The following PIGR variants were observed in gnomAD, a reference collection of about 807,000 sequenced individuals.
PIGR encodes the protein polymeric immunoglobulin receptor, also known as hepatocellular carcinoma associated protein TB6.
PIGR carries 22 observed loss-of-function variants against 69.5 expected under a neutral mutation model. The ratio of observed to expected loss-of-function variants is 0.32; its 90% CI spans 0.23 to 0.45. PIGR has a LOEUF of 0.45. PIGR is among the 20% of genes least tolerant of loss of function. PIGR has a pLI of 1.00. For synonymous variants in PIGR, 413 were observed against 407.6 expected (o/e 1.01, Z -0.16); for missense variants, 885 against 974.0 (o/e 0.91, Z 1.22).
chr1:206,930,850 C>A lies in PIGR; in HGVS notation c.2200-437G>T, dbSNP rs1252095104. On this transcript the variant is annotated intron_variant, in intron 10 of 10. Coordinates refer to ENST00000356495, the MANE Select transcript of PIGR (RefSeq NM_002644.4). This position sits in a 1 kb window ranked among gnomAD's most constrained non-coding sequence, Gnocchi z 4.3. ...TAACTCGTTCTAACTTTGCTAAATG[C>A]CAGAGATGTTTCAAGAAAAAGTAGA... 2.0e-6 allele frequency: 2 copies of A among 985,234 alleles called. No homozygotes were observed. The highest frequency in any genetic ancestry group is 1.7e-5 in the African/African-American group (1 of 57,196). 61.0% of individuals were successfully genotyped at this position (985,234 alleles called of 1,614,324 possible).
chr1:206,930,824 A>G lies in PIGR; in HGVS notation c.2200-411T>C, dbSNP rs1679724548. The G allele has an allele frequency of 3.0e-6, 3 of 985,444 alleles. No individual in the cohort carries two copies. Among genetic ancestry groups the G allele is most frequent in the Non-Finnish European group, 3.6e-6 (3 of 829,932 alleles). The allele number at this position is 985,444 out of a possible 1,614,324, so 61.0% of individuals were successfully genotyped here. A position where few individuals can be genotyped will look rare whatever the true frequency, so the allele number is the denominator to read the frequency against. ...GTTAAAGGGGAAGGCTGTCCCAGGA[A>G]TAACTCGTTCTAACTTTGCTAAATG... On this transcript the variant is annotated intron_variant, in intron 10 of 10. Transcript: ENST00000356495. The surrounding 1 kb of genome is among the most constrained non-coding windows in gnomAD (Gnocchi z 4.3).
intron 1 of PIGR, among the ~76,000 whole-genome samples, chr1:206,941,846 C>T (rs997348726): frequency 6.6e-6 from 1 of 152,192 alleles, no homozygotes; most frequent in African/African-American, 2.4e-5. Flanking sequence ...AGACTTTAAA[C>T]TTTGGAGTTG....
In PIGR at chr1:206,937,429, C is replaced by T; in HGVS notation, c.711G>A (p.Val237=). The change falls in exon 4 of 11, where the codon GTG becomes GTA. Residue 237 remains valine, a synonymous_variant. Transcript: ENST00000356495. ...NSNKKNADLQ[V]LKPEPELVYE... Reference sequence around the variant, plus strand: ...AAACCAGCTCGGGCTCGGGCTTTAGCACTTGGAGGTCAGCATTCTTCTTAT... The same window carrying T: ...AAACCAGCTCGGGCTCGGGCTTTAGTACTTGGAGGTCAGCATTCTTCTTAT... The T allele has an allele frequency of 1.2e-6, 2 of 1,614,154 alleles. No homozygotes were observed. Among genetic ancestry groups the T allele is most frequent in the South Asian group, 2.2e-5 (2 of 91,086 alleles).
In PIGR at chr1:206,931,495, A is replaced by C. The variant is rs1679748188; in HGVS notation, c.2199+2T>G. The stretch of plus-strand genomic sequence containing the variant: ...TAGTGGGGCTTCCTTCTTCCTCCTC[A>C]CCCTTTTTGCCTTCTTGGGTTCTTT... On this transcript the variant is annotated splice_donor_variant, in intron 10 of 10. Transcript: ENST00000356495. LOFTEE classifies it high-confidence loss of function. 6.2e-7 allele frequency: 1 copy of C among 1,601,570 alleles called. No homozygotes were observed. The highest frequency in any genetic ancestry group is 1.4e-5 in the African/African-American group (1 of 70,946).
In PIGR at chr1:206,937,416, G is replaced by T. The variant is rs958012597; in HGVS notation, c.724C>A (p.Pro242Thr). 3 of 1,613,988 alleles carry T rather than the reference G, an allele frequency of 1.9e-6. No homozygotes were observed. Among genetic ancestry groups the T allele is most frequent in the Non-Finnish European group, 2.5e-6 (3 of 1,179,994 alleles). Residue 242 changes from proline to threonine, a missense_variant, in exon 4 of 11, where the codon CCC becomes ACC. Transcript: ENST00000356495. ...CTCAGGTCTTCATAAACCAGCTCGG[G>T]CTCGGGCTTTAGCACTTGGAGGTCA... ...NADLQVLKPE[P>T]ELVYEDLRGS...
rs1378200479 is a variant in PIGR, at chr1:206,937,046, C to T, written c.1045+49G>A. 3 of 1,499,922 alleles carry T rather than the reference C, an allele frequency of 2.0e-6. No individual in the cohort carries two copies. The South Asian group carries it at 4.0e-5, about 20-fold the overall frequency. 92.9% of individuals were successfully genotyped at this position (1,499,922 alleles called of 1,614,324 possible). ...CTCAGAGGGAGCTGAGCTTGGCTCT[C>T]ACCTGCGAGACTGCCCCACCTACTC... On this transcript the variant is annotated intron_variant, in intron 4 of 10. Coordinates refer to ENST00000356495, the MANE Select transcript of PIGR (RefSeq NM_002644.4).
Position 206,937,566 on chromosome 1 carries a change from G to T in PIGR, c.574C>A (p.Arg192Ser), listed in dbSNP as rs773272615. ...YVNPNYTGRI[R>S]LDIQGTGQLL... ...TGGCCAGTACCCTGAATATCAAGGC[G>T]TATTCTTCCTGTATAGTTGGGATTT... Residue 192 changes from arginine (R) to serine (S), a missense_variant, in exon 4 of 11, where the codon CGC (arginine) becomes AGC (serine). Arg to Ser is a moderately radical substitution (Grantham distance 110). Coordinates refer to ENST00000356495, the MANE Select transcript of PIGR (RefSeq NM_002644.4). 1.2e-6 allele frequency: 2 copies of T among 1,614,112 alleles called. No individual in the cohort carries two copies. Among genetic ancestry groups the T allele is most frequent in the East Asian group, 2.2e-5 (1 of 44,886 alleles).
chr1:206,931,382 T>C (rs1572641214), intron 10 of PIGR, 115 bp downstream of exon 10: 1 of 1,604,528 alleles, frequency 6.2e-7, no homozygotes, highest in East Asian at 2.2e-5. Flanking sequence ...ATTTATATCA[T>C]CCTCCCTATT....
At chr1:206,946,226 C>T (rs1023260596) in intron 1 of PIGR, 110 bp downstream of exon 1, 2 of 152,578 alleles carry the variant, frequency 1.3e-5, no homozygotes, top group African/African-American at 2.4e-5. Context: ...CCTTGTCACC[C>T]CACTATCTAG....
Position 206,935,836 on chromosome 1 carries a change from G to T in PIGR, c.1046-18C>A. 6.4e-7 allele frequency: 1 copy of T among 1,565,498 alleles called. No individual in the cohort carries two copies. Among genetic ancestry groups the T allele is most frequent in the Non-Finnish European group, 8.7e-7 (1 of 1,149,300 alleles). On this transcript the variant is annotated intron_variant, in intron 4 of 10. Coordinates refer to ENST00000356495, the MANE Select transcript of PIGR (RefSeq NM_002644.4). The surrounding 1 kb of genome is among the most constrained non-coding windows in gnomAD (Gnocchi z 4.4). ...CGTGGACTCTGGAAGCACAGACAGA[G>T]ATGGGATGGGAGGATGGCCACGCAG...
In PIGR at chr1:206,930,595, A is replaced by G; in HGVS notation, c.2200-182T>C. 1 of 985,364 alleles carries G rather than the reference A, an allele frequency of 1.0e-6. No individual in the cohort carries two copies. Among genetic ancestry groups the G allele is most frequent in the Non-Finnish European group, 1.2e-6 (1 of 829,922 alleles). 61.0% of individuals were successfully genotyped at this position (985,364 alleles called of 1,614,324 possible). A position where few individuals can be genotyped will look rare whatever the true frequency, so the allele number is the denominator to read the frequency against. On this transcript the variant is annotated intron_variant, in intron 10 of 10. Transcript: ENST00000356495. This position sits in a 1 kb window ranked among gnomAD's most constrained non-coding sequence, Gnocchi z 4.3. Reference sequence around the variant, plus strand: ...AAGAAGGACGCATTTTGAGAAATGGAAAGTTGCAGCCTCTAAAAATATCTT... The same window carrying G: ...AAGAAGGACGCATTTTGAGAAATGGGAAGTTGCAGCCTCTAAAAATATCTT...
intron 2 of PIGR, among the ~76,000 whole-genome samples, chr1:206,940,125 CT>C (rs1679953489): frequency 6.6e-6 from 1 of 152,158 alleles, no homozygotes; most frequent in Non-Finnish European, 1.5e-5. Context: ...AGATGATTTT[CT>C]TTTCTTTTTT....
Position 206,938,678 on chromosome 1 carries a change from TA to T in PIGR, c.388+440del, listed in dbSNP as rs374526382. Among the ~76,000 whole-genome samples, 435 of 149,460 alleles carry T rather than the reference TA, an allele frequency of 2.9e-3. 4 individuals are homozygous for T. The highest frequency in any genetic ancestry group is 4.5e-3 in the Non-Finnish European group (303 of 67,028). ...ACCAAAAGACTAAGGGTTCCCAGGT[TA>T]AAAAAAAAATATGCATTTTACAAGA... On this transcript the variant is annotated intron_variant, in intron 3 of 10. Transcript: ENST00000356495.
rs529808142 is a variant in PIGR, at chr1:206,934,514, A to G, written c.1611T>C (p.Ala537=). The stretch of plus-strand genomic sequence containing the variant: ...CTCCACACCAGTACCAGCCCTCATC[A>G]GCCCTGGTCACCAGGTTCAGGGTCA... ...VSLTLNLVTR[A]DEGWYWCGVK... The change falls in exon 6 of 11, where the codon GCT becomes GCC. Residue 537 remains alanine (A), a synonymous_variant. Transcript: ENST00000356495. 4.3e-6 allele frequency: 7 copies of G among 1,614,222 alleles called. No individual in the cohort carries two copies. In the African/African-American group the frequency reaches 5.3e-5, roughly 12 times the overall value.
intron 1 of PIGR, among the ~76,000 whole-genome samples, chr1:206,943,193 T>C (rs2102604584): frequency 6.6e-6 from 1 of 152,268 alleles, no homozygotes; most frequent in Non-Finnish European, 1.5e-5. Flanking sequence ...GCTAGGTTCT[T>C]TTCTTGTAAG....
chr1:206,933,813 A>T (rs1403216088), intron 6 of PIGR, among the ~76,000 whole-genome samples: 1 of 152,118 alleles, frequency 6.6e-6, no homozygotes, highest in Non-Finnish European at 1.5e-5. Context: ...TACAGAGAAG[A>T]ATATTTCCAG....
At chr1:206,942,025 C>T (rs1038341254) in intron 1 of PIGR, among the ~76,000 whole-genome samples, 7 of 152,166 alleles carry the variant, frequency 4.6e-5, no homozygotes, top group African/African-American at 1.7e-4. Context: ...GAGCCAAAGG[C>T]AATAGAGTTG....
In PIGR at chr1:206,930,933, A is replaced by G. The variant is rs115899229; in HGVS notation, c.2200-520T>C. On this transcript the variant is annotated intron_variant, in intron 10 of 10. Transcript: ENST00000356495. The surrounding 1 kb of genome is among the most constrained non-coding windows in gnomAD (Gnocchi z 4.3). ...CTCTCACCTCGGGATTAAAGGCATG[A>G]GATGTTATTTTTCTTGGTCCCCTGA... is the stretch of plus-strand genomic sequence containing the variant. The G allele has an allele frequency of 0.022, 21,421 of 985,378 alleles. 281 individuals carry two copies. The highest frequency in any genetic ancestry group is 0.024 in the Non-Finnish European group (20,055 of 829,906). 61.0% of individuals were successfully genotyped at this position (985,378 alleles called of 1,614,324 possible). A position where few individuals can be genotyped will look rare whatever the true frequency, so the allele number is the denominator to read the frequency against.
At position 206,933,149 on chromosome 1, in the gene PIGR, G is replaced by A. The variant is rs1294256170; in HGVS notation, c.1723C>T (p.Leu575=). The change falls in exon 7 of 11, where the codon CTA becomes TTA. Residue 575 remains leucine, a synonymous_variant. Coordinates refer to ENST00000356495, the MANE Select transcript of PIGR (RefSeq NM_002644.4). ...RKAAGSRDVS[L]AKADAAPDEK... ...TCAGGAGCAGCGTCTGCCTTCGCTA[G>A]GCTGACATCGCGGGACCCTGCAGCA... 6.2e-7 allele frequency: 1 copy of A among 1,614,200 alleles called. No individual in the cohort carries two copies. Among genetic ancestry groups the A allele is most frequent in the East Asian group, 2.2e-5 (1 of 44,890 alleles).
Sources: gnomAD v4.1 joint callset for allele counts (sites outside exome capture counted in the v4.1 genomes callset) on GRCh38, gnomAD v4.1.1 for gene constraint, Gnocchi (gnomAD v3.1) non-coding constraint, MANE v1.5 for transcripts, NCBI Gene and HGNC (gene_info 2026-07-23, HGNC 2026-07-21) for gene names.